Variants in SLC25A26 observed in about 807,000 individuals in gnomAD.
SLC25A26 encodes mitochondrial S-adenosylmethionine carrier protein.
SLC25A26 carries 36 observed loss-of-function variants against 37.8 expected under a neutral mutation model. The observed-to-expected ratio is 0.95, with a 90% CI of 0.73 to 1.26. The LOEUF (loss-of-function observed/expected upper bound fraction) is 1.26. SLC25A26 is among the 50% of genes most tolerant of loss of function. SLC25A26 has a pLI of 0.00. For synonymous variants in SLC25A26, 129 were observed against 122.5 expected (o/e 1.05, Z -0.35); for missense variants, 390 against 331.1 (o/e 1.18, Z -1.38).
At chr3:66,168,440 G>C (rs2070455394) in intron 1 of SLC25A26, among the ~76,000 whole-genome samples, 1 of 152,064 alleles carries the variant, frequency 6.6e-6, no homozygotes, top group Admixed American at 6.6e-5. Context: ...AACTTTTGCA[G>C]TTTTTAAATT....
At chr3:66,200,711 T>G (rs2071098031) in intron 1 of SLC25A26, among the ~76,000 whole-genome samples, 1 of 152,220 alleles carries the variant, frequency 6.6e-6, no homozygotes, top group South Asian at 2.1e-4. Context: ...TAAAAGCTAT[T>G]TTTAGCAATT....
chr3:66,278,178 G>A (rs1025891763), intron 5 of SLC25A26, among the ~76,000 whole-genome samples: 2 of 152,080 alleles, frequency 1.3e-5, no homozygotes, highest in Admixed American at 6.6e-5. Flanking sequence ...TGCTATTTAT[G>A]CAACTTTTAT....
At chr3:66,366,582 T>A (rs772007917) in intron 7 of SLC25A26, among the ~76,000 whole-genome samples, 3 of 152,186 alleles carry the variant, frequency 2.0e-5, no homozygotes, top group Non-Finnish European at 4.4e-5. Flanking sequence ...AACCTAAATC[T>A]CCAAGAGAAT....
At chr3:66,139,507 T>G (rs1236034960) in intron 1 of SLC25A26, among the ~76,000 whole-genome samples, 2 of 152,194 alleles carry the variant, frequency 1.3e-5, no homozygotes, top group Non-Finnish European at 2.9e-5. Flanking sequence ...TTTAATAGCA[T>G]CATCTGAAGC....
At chr3:66,227,401 C>G (rs965230732) in intron 1 of SLC25A26, among the ~76,000 whole-genome samples, 2 of 151,978 alleles carry the variant, frequency 1.3e-5, no homozygotes, top group Non-Finnish European at 2.9e-5. Flanking sequence ...TATAAAATGT[C>G]GTGTGCATTT....
At chr3:66,181,969 T>G (rs1453578202) in intron 1 of SLC25A26, among the ~76,000 whole-genome samples, 1 of 152,128 alleles carries the variant, frequency 6.6e-6, no homozygotes, top group African/African-American at 2.4e-5. Flanking sequence ...CATTGAGGGC[T>G]CTCATTCTCC....
At chr3:66,156,881 AAC>A (rs2070290128) in intron 1 of SLC25A26, among the ~76,000 whole-genome samples, 1 of 152,086 alleles carries the variant, frequency 6.6e-6, no homozygotes, top group East Asian at 1.9e-4. Context: ...GACTTTTCCC[AAC>A]AGGCTTCCAT....
At chr3:66,307,575 G>C (rs960410201) in intron 5 of SLC25A26, among the ~76,000 whole-genome samples, 2 of 152,142 alleles carry the variant, frequency 1.3e-5, no homozygotes, top group Non-Finnish European at 2.9e-5. Context: ...TGAAGTCTTT[G>C]CCCATGCCTA....
intron 1 of SLC25A26, among the ~76,000 whole-genome samples, chr3:66,143,953 C>T (rs940436480): frequency 6.6e-6 from 1 of 152,104 alleles, no homozygotes; most frequent in Non-Finnish European, 1.5e-5. Flanking sequence ...TCTAAGTAGG[C>T]ACAGTGTCCT....
chr3:66,202,997 TTAAG>T (rs1432724905), intron 1 of SLC25A26, among the ~76,000 whole-genome samples: 3 of 152,224 alleles, frequency 2.0e-5, no homozygotes, highest in African/African-American at 7.2e-5. Context: ...TCTTAAATGG[TTAAG>T]TTTTATAATA....
chr3:66,158,728 C>G (rs2070317362), intron 1 of SLC25A26, among the ~76,000 whole-genome samples: 1 of 152,022 alleles, frequency 6.6e-6, no homozygotes, highest in Non-Finnish European at 1.5e-5. Context: ...ATTTATTAAT[C>G]TGTTTGTTTG....
At chr3:66,190,634 G>GA (rs1175960154) in intron 1 of SLC25A26, among the ~76,000 whole-genome samples, 3 of 152,070 alleles carry the variant, frequency 2.0e-5, no homozygotes, top group Non-Finnish European at 4.4e-5. Context: ...TCACCATGTT[G>GA]GCCAGGCTGG....
At chr3:66,158,164 T>G (rs1052475290) in intron 1 of SLC25A26, among the ~76,000 whole-genome samples, 1 of 152,220 alleles carries the variant, frequency 6.6e-6, no homozygotes. Context: ...TGGGAAGTAT[T>G]TGAGAGTACG....
At chr3:66,139,980 C>T (rs1252878607) in intron 1 of SLC25A26, among the ~76,000 whole-genome samples, 1 of 152,146 alleles carries the variant, frequency 6.6e-6, no homozygotes, top group Non-Finnish European at 1.5e-5. Context: ...AACCCAAAAA[C>T]CTCATTCGTT....
rs78670414 is a variant in SLC25A26 at position 66,245,907 on chromosome 3, G to A, written c.300+2595G>A. ...ACAGAGTTGTACAACCTTTGCCAGC[G>A]TCCATTTTAAAACATCTCTCCCCAA... On this transcript the variant is annotated intron_variant, in intron 3 of 9. Transcript: ENST00000354883. 3.2e-3 allele frequency among the ~76,000 whole-genome samples: 493 copies of A among 152,142 alleles called. 3 individuals are homozygous for A. Among genetic ancestry groups the A allele is most frequent in the East Asian group, 0.017 (87 of 5,174 alleles).
In SLC25A26 at chr3:66,362,864, T is replaced by A. The variant is rs2076741859; in HGVS notation, c.503T>A (p.Leu168His). The A allele has an allele frequency of 2.5e-6, 4 of 1,599,590 alleles. No individual in the cohort carries two copies. Among genetic ancestry groups the A allele is most frequent in the Non-Finnish European group, 3.4e-6 (4 of 1,173,102 alleles). ...QFPLWESLKALWSWRQDHVVD... is the reference protein window; with the variant it reads ...QFPLWESLKAHWSWRQDHVVD... ...TTTCTTTCTCCTTAAACACAGGCCC[T>A]CTGGTCCTGGAGGCAGGATCATGTG... The change falls in exon 7 of 10, where the codon CTC becomes CAC. Residue 168 changes from leucine to histidine, a missense_variant. By Grantham distance (99) the Leu-to-His change is moderately conservative (BLOSUM62 -3). Transcript: ENST00000354883.
chr3:66,226,388 C>A (rs529523910), intron 1 of SLC25A26, among the ~76,000 whole-genome samples: 1 of 152,290 alleles, frequency 6.6e-6, no homozygotes, highest in East Asian at 1.9e-4. Flanking sequence ...CCCACCAGGC[C>A]CCTCCCACAA....
At chr3:66,288,770 A>G (rs1393284802) in intron 5 of SLC25A26, among the ~76,000 whole-genome samples, 1 of 152,204 alleles carries the variant, frequency 6.6e-6, no homozygotes, top group Non-Finnish European at 1.5e-5. Context: ...TGTTGTGAAT[A>G]GTGCCGCAAT....
At chr3:66,143,561 C>T (rs1320389010) in intron 1 of SLC25A26, among the ~76,000 whole-genome samples, 1 of 151,944 alleles carries the variant, frequency 6.6e-6, no homozygotes, top group Non-Finnish European at 1.5e-5. Flanking sequence ...ATTTGTGATG[C>T]AAAATGCAAA....
Sources: allele counts gnomAD v4.1 joint callset (sites outside exome capture counted in the v4.1 genomes callset), GRCh38; gene constraint gnomAD v4.1.1; transcripts MANE v1.5; gene names NCBI Gene and HGNC (gene_info 2026-07-23, HGNC 2026-07-21).